The following SPATA17 variants were observed in gnomAD, a reference collection of about 807,000 sequenced individuals.
SPATA17 encodes the protein spermatogenesis-associated protein 17.
Under a neutral mutation model 62.2 loss-of-function variants are expected in SPATA17, and 53 were observed. The ratio of observed to expected loss-of-function variants is 0.85; its 90% confidence interval spans 0.68 to 1.07. The LOEUF (loss-of-function observed/expected upper bound fraction) is 1.07. Ranked by LOEUF, SPATA17 falls within the 50% of genes least tolerant of loss-of-function variation. SPATA17 has a pLI of 0.00. For missense variants in SPATA17, 466 were observed against 425.5 expected (o/e 1.10, Z -0.84); for synonymous variants, 146 against 146.8 (o/e 0.99, Z 0.04).
At chr1:217,779,882 A>T (rs1401182039) in intron 7 of SPATA17, among the ~76,000 whole-genome samples, 1 of 152,116 alleles carries the variant, frequency 6.6e-6, no homozygotes, top group East Asian at 1.9e-4. Context: ...ACTATAAATA[A>T]CATGAATTAT....
At chr1:217,656,058 A>G (rs1210873514) in intron 3 of SPATA17, among the ~76,000 whole-genome samples, 2 of 151,118 alleles carry the variant, frequency 1.3e-5, no homozygotes, top group African/African-American at 4.9e-5. Flanking sequence ...TAGTTTTTGT[A>G]TTTTTAGTAG....
intron 9 of SPATA17, among the ~76,000 whole-genome samples, chr1:217,812,409 A>C (rs1674611716): frequency 6.6e-6 from 1 of 152,180 alleles, no homozygotes; most frequent in Non-Finnish European, 1.5e-5. Flanking sequence ...TTTTCTCAAA[A>C]GTATGAAAAT....
chr1:217,701,173 C>G lies in SPATA17; in HGVS notation c.395+17812C>G, dbSNP rs1163881406. 2.0e-5 allele frequency among the ~76,000 whole-genome samples: 3 copies of G among 151,600 alleles called. No homozygotes were observed. In the East Asian group the frequency reaches 5.8e-4, roughly 30 times the overall value. ...TATTTTTTGTGGAGATGGGGTTTCA[C>G]CATGTTGGCCAGGCTGGTCTCAAAC... On this transcript the variant is annotated intron_variant, in intron 5 of 10. Transcript: ENST00000366933.
At chr1:217,794,500 C>A (rs184236618) in intron 8 of SPATA17, among the ~76,000 whole-genome samples, 1 of 152,160 alleles carries the variant, frequency 6.6e-6, no homozygotes, top group African/African-American at 2.4e-5. Flanking sequence ...AAACTAGTAG[C>A]TTGTGAGCTG....
intron 6 of SPATA17, among the ~76,000 whole-genome samples, chr1:217,773,014 G>T (rs1252335144): frequency 6.6e-6 from 1 of 152,140 alleles, no homozygotes; most frequent in Non-Finnish European, 1.5e-5. Flanking sequence ...ATTTGGGATA[G>T]GACATTGCAT....
intron 9 of SPATA17, among the ~76,000 whole-genome samples, chr1:217,831,313 A>G (rs1168338102): frequency 1.3e-5 from 2 of 152,070 alleles, no homozygotes. Flanking sequence ...GAATGTTGCC[A>G]TATTACTCTT....
At chr1:217,699,730 A>G (rs1479623274) in intron 5 of SPATA17, among the ~76,000 whole-genome samples, 1 of 152,028 alleles carries the variant, frequency 6.6e-6, no homozygotes, top group Admixed American at 6.6e-5. Flanking sequence ...GTTTTTGAAT[A>G]TTTCCTTCTA....
chr1:217,676,336 G>A (rs1046911378), intron 4 of SPATA17, among the ~76,000 whole-genome samples: 1 of 152,094 alleles, frequency 6.6e-6, no homozygotes, highest in African/African-American at 2.4e-5. Context: ...TTCTTTGCTG[G>A]TTGAAGTCCA....
At chr1:217,663,254 GGCCAACTTAGTGAA>G (rs1670610081) in intron 3 of SPATA17, among the ~76,000 whole-genome samples, 1 of 152,016 alleles carries the variant, frequency 6.6e-6, no homozygotes, top group Non-Finnish European at 1.5e-5. Flanking sequence ...AGACCAACCT[GGCCAACTTAGTGAA>G]ACCCTGTCTC....
intron 7 of SPATA17, among the ~76,000 whole-genome samples, chr1:217,781,480 G>A (rs923975401): frequency 7.9e-5 from 12 of 152,110 alleles, no homozygotes; most frequent in African/African-American, 2.7e-4. Context: ...TTAGTAACTA[G>A]TATAAATAAC....
At chr1:217,783,683 A>C (rs557686110) in intron 8 of SPATA17, among the ~76,000 whole-genome samples, 17 of 152,110 alleles carry the variant, frequency 1.1e-4, no homozygotes, top group Admixed American at 1.1e-3. Context: ...AGCATGACTA[A>C]TTGCTCAAAC....
At chr1:217,668,941 T>C (rs984096291) in intron 3 of SPATA17, 92 bp from the exon 4 acceptor site, 17 of 1,065,814 alleles carry the variant, frequency 1.6e-5, no homozygotes, top group African/African-American at 1.4e-4. Context: ...TTATGTATTA[T>C]GTATAAAGAT....
intron 1 of SPATA17, among the ~76,000 whole-genome samples, chr1:217,647,984 G>C (rs1207664936): frequency 6.6e-6 from 1 of 151,970 alleles, no homozygotes; most frequent in African/African-American, 2.4e-5. Flanking sequence ...TGGCCTCCGA[G>C]AGTGCTGGGA....
chr1:217,726,560 T>C (rs1454189093), intron 5 of SPATA17, among the ~76,000 whole-genome samples: 1 of 152,194 alleles, frequency 6.6e-6, no homozygotes, highest in Non-Finnish European at 1.5e-5. Context: ...ATTTTGTGAT[T>C]AAGGAAGATA....
intron 5 of SPATA17, among the ~76,000 whole-genome samples, chr1:217,729,344 T>C (rs1035656336): frequency 9.2e-5 from 14 of 152,208 alleles, no homozygotes; most frequent in Non-Finnish European, 1.6e-4. Context: ...TAGAGCACCA[T>C]AGATATTGTG....
intron 7 of SPATA17, among the ~76,000 whole-genome samples, chr1:217,777,705 G>T (rs1673627774): frequency 6.6e-6 from 1 of 152,128 alleles, no homozygotes; most frequent in Admixed American, 6.5e-5. Context: ...CCAGGCCCAT[G>T]TATCAGCATT....
At chr1:217,641,779 A>G (rs1343741651) in intron 1 of SPATA17, among the ~76,000 whole-genome samples, 1 of 152,144 alleles carries the variant, frequency 6.6e-6, no homozygotes. Context: ...GACATTCTCT[A>G]TATAACCACA....
intron 5 of SPATA17, among the ~76,000 whole-genome samples, chr1:217,686,381 C>A (rs7526655): frequency 0.2 from 30,451 of 151,706 alleles, 3,474 homozygotes; most frequent in African/African-American, 0.32. Context: ...TTAAATATAT[C>A]TAATGTTATT....
intron 6 of SPATA17, among the ~76,000 whole-genome samples, chr1:217,764,904 T>A (rs1022600578): frequency 1.3e-5 from 2 of 152,132 alleles, no homozygotes; most frequent in African/African-American, 2.4e-5. Context: ...ATTCTAGTAA[T>A]TTAACTTCCA....
Sources: gnomAD v4.1 joint callset for allele counts (sites outside exome capture counted in the v4.1 genomes callset) on GRCh38, gnomAD v4.1.1 for gene constraint, MANE v1.5 for transcripts, NCBI Gene and HGNC (gene_info 2026-07-23, HGNC 2026-07-21) for gene names.